PPM1B: variants seen among roughly 807,000 people sequenced by gnomAD.
The protein encoded by PPM1B is protein phosphatase 1B.
In PPM1B, 22 loss-of-function variants were observed where a neutral mutation model predicts 43.0. The ratio of observed to expected loss-of-function variants is 0.51; its 90% CI spans 0.37 to 0.73. PPM1B has a LOEUF of 0.73. PPM1B is among the 30% of genes least tolerant of loss of function. The pLI, the probability that PPM1B is intolerant of heterozygous loss-of-function variation, is 0.00. For missense variants in PPM1B, 632 were observed against 584.2 expected (o/e 1.08, Z -0.84); for synonymous variants, 217 against 197.9 (o/e 1.10, Z -0.81).
chr2:44,229,982 T>C, intron 5 of PPM1B: 1 of 1,573,008 alleles, frequency 6.4e-7, no homozygotes, highest in Non-Finnish European at 8.7e-7. Flanking sequence ...TTGTATTTCC[T>C]ACTTATTTAG....
chr2:44,209,229 G>A lies in PPM1B; in HGVS notation c.866G>A (p.Ser289Asn). 6.2e-7 allele frequency: 1 copy of A among 1,610,228 alleles called. No homozygotes were observed. Among genetic ancestry groups the A allele is most frequent in the South Asian group, 1.1e-5 (1 of 90,692 alleles). ...ACACAGGGAAGTCGAGATAACATGAGTATTGTACTAGTTTGCTTTTCAAAT... is the reference window on the plus strand; with the variant it reads ...ACACAGGGAAGTCGAGATAACATGAATATTGTACTAGTTTGCTTTTCAAAT... ...CLHKGSRDNM[S>N]IVLVCFSNAP... is the part of the protein sequence containing the mutation. Residue 289 changes from serine to asparagine, a missense_variant, in exon 3 of 6, where the codon AGT becomes AAT. Around this residue, in one of 3 missense-constraint regions of PPM1B, gnomAD observed 392 missense variants for 302.7 expected, o/e 1.29. Coordinates refer to ENST00000282412, the MANE Select transcript of PPM1B (RefSeq NM_002706.6).
downstream of PPM1B, chr2:44,233,579 T>C: frequency 1.0e-6 from 1 of 985,844 alleles, no homozygotes; most frequent in South Asian, 4.7e-5. Context: ...GTAAACATTT[T>C]CCTGTATGTT....
chr2:44,230,662 G>A lies in PPM1B; in HGVS notation c.1384G>A (p.Glu462Lys). 5 of 1,614,156 alleles carry A rather than the reference G, an allele frequency of 3.1e-6. No individual in the cohort carries two copies. The highest frequency in any genetic ancestry group is 2.5e-6 in the Non-Finnish European group (3 of 1,179,988). Residue 462 changes from glutamate to lysine, a missense_variant, in exon 6 of 6, where the codon GAA (glutamate) becomes AAA (lysine). Coordinates refer to ENST00000282412, the MANE Select transcript of PPM1B (RefSeq NM_002706.6). ...SHTESESGLA[E>K]LDSSNEDAGT... ...TACTGAATCAGAAAGTGGTCTTGCT[G>A]AATTAGACAGCTCTAATGAAGATGC...
intron 5 of PPM1B, chr2:44,229,980 C>G (rs780125129): frequency 2.5e-6 from 4 of 1,569,100 alleles, no homozygotes; most frequent in Non-Finnish European, 3.5e-6. Flanking sequence ...TTTTGTATTT[C>G]CTACTTATTT....
At chr2:44,178,475 T>TATATATATATATATATATATA (rs1491152402) in intron 1 of PPM1B, among the ~76,000 whole-genome samples, 4 of 23,950 alleles carry the variant, frequency 1.7e-4, no homozygotes, top group Admixed American at 5.2e-4. Flanking sequence ...TATATATATA[T>TATATATATATATATATATATA]TTTTTTTTTT....
At chr2:44,200,875 C>G (rs1417792735) in intron 1 of PPM1B, among the ~76,000 whole-genome samples, 5 of 152,042 alleles carry the variant, frequency 3.3e-5, no homozygotes, top group African/African-American at 1.2e-4. Flanking sequence ...TTTTTCCTTT[C>G]TCCTAGAACA....
intron 1 of PPM1B, among the ~76,000 whole-genome samples, chr2:44,175,982 C>G (rs1254557475): frequency 6.6e-6 from 1 of 152,066 alleles, no homozygotes; most frequent in African/African-American, 2.4e-5. Flanking sequence ...GATGGGGTTT[C>G]ACTATGTTGG....
intron 1 of PPM1B, among the ~76,000 whole-genome samples, chr2:44,172,966 T>C (rs1667417788): frequency 6.6e-6 from 1 of 152,236 alleles, no homozygotes; most frequent in Non-Finnish European, 1.5e-5. Context: ...TTTGAGATGA[T>C]TGACACTTTT....
At chr2:44,185,347 T>C (rs1668069837) in intron 1 of PPM1B, among the ~76,000 whole-genome samples, 1 of 152,174 alleles carries the variant, frequency 6.6e-6, no homozygotes, top group East Asian at 1.9e-4. Flanking sequence ...TTTCTGTTTT[T>C]GATATAGCCT....
chr2:44,230,469 G>T lies in PPM1B; in HGVS notation c.1191G>T (p.Arg397Ser). The T allele has an allele frequency of 6.2e-7, 1 of 1,614,176 alleles. No individual in the cohort carries two copies. Among genetic ancestry groups the T allele is most frequent in the Non-Finnish European group, 8.5e-7 (1 of 1,180,014 alleles). Residue 397 changes from arginine to serine, a missense_variant, in exon 6 of 6, where the codon AGG becomes AGT. Physicochemically the swap from Arg to Ser is moderately radical, Grantham distance 110. Transcript: ENST00000282412. ...GSQGKLVEAL[R>S]QMRINHRGNY... ...AGGGAAAATTGGTGGAAGCTCTCAG[G>T]CAAATGAGAATTAATCATAGGGGAA...
chr2:44,172,400 G>T (rs1380227065), intron 1 of PPM1B, among the ~76,000 whole-genome samples: 1 of 152,102 alleles, frequency 6.6e-6, no homozygotes, highest in Non-Finnish European at 1.5e-5. Flanking sequence ...TTTAATTTTT[G>T]TAGTTTGTAG....
intron 1 of PPM1B, among the ~76,000 whole-genome samples, chr2:44,177,817 C>T (rs748620576): frequency 4.2e-4 from 63 of 150,526 alleles, no homozygotes; most frequent in Non-Finnish European, 7.4e-4. Context: ...TTGTTCTTGT[C>T]ACTTAATATT....
chr2:44,215,383 A>C (rs80134076), intron 3 of PPM1B, among the ~76,000 whole-genome samples: 5,667 of 152,234 alleles, frequency 0.037, 333 homozygotes, highest in African/African-American at 0.13. Context: ...ACTTGAGTCC[A>C]GGAGTTTGGT....
chr2:44,229,947 G>T (rs1351672911), intron 5 of PPM1B: 1 of 1,460,372 alleles, frequency 6.8e-7, no homozygotes, highest in African/African-American at 1.4e-5. Context: ...TCAAAAATCT[G>T]TTTAAATCTA....
intron 1 of PPM1B, among the ~76,000 whole-genome samples, chr2:44,171,601 G>T (rs1006720743): frequency 6.6e-6 from 1 of 151,648 alleles, no homozygotes; most frequent in Non-Finnish European, 1.5e-5. Flanking sequence ...AGGCTGAGGC[G>T]TGTGGATCAC....
chr2:44,199,217 C>T (rs1027693918), intron 1 of PPM1B, among the ~76,000 whole-genome samples: 4 of 131,870 alleles, frequency 3.0e-5, no homozygotes, highest in East Asian at 2.3e-4. Flanking sequence ...GAGATTGTGC[C>T]GTTGCACTCC....
At chr2:44,208,721 A>G (rs765462969) in intron 2 of PPM1B, among the ~76,000 whole-genome samples, 4 of 152,184 alleles carry the variant, frequency 2.6e-5, no homozygotes, top group Non-Finnish European at 5.9e-5. Flanking sequence ...CTCAAATAGT[A>G]ATAATAATAA....
At chr2:44,224,626 T>G (rs1007794496) in intron 5 of PPM1B, among the ~76,000 whole-genome samples, 3 of 152,060 alleles carry the variant, frequency 2.0e-5, no homozygotes, top group Non-Finnish European at 4.4e-5. Flanking sequence ...TATGTCTTAT[T>G]TGGTGTAAGT....
intron 3 of PPM1B, 48 bp downstream of exon 3, chr2:44,209,375 T>C: frequency 6.3e-7 from 1 of 1,596,316 alleles, no homozygotes. Flanking sequence ...GCACGGTAGC[T>C]CATGCCTGTA....
Sources: allele counts gnomAD v4.1 joint callset (sites outside exome capture counted in the v4.1 genomes callset), GRCh38; gene constraint gnomAD v4.1.1; regional missense constraint gnomAD v4.1.1; transcripts MANE v1.5; gene names NCBI Gene and HGNC (gene_info 2026-07-23, HGNC 2026-07-21).